HSDL2: variants seen among roughly 807,000 people sequenced by gnomAD.
HSDL2 encodes hydroxysteroid dehydrogenase like 2.
A neutral mutation model predicts 46.3 loss-of-function variants in HSDL2; 27 were observed. The ratio of observed to expected loss-of-function variants is 0.58; its 90% CI spans 0.43 to 0.80. HSDL2 has a LOEUF of 0.80. Among genes scored for constraint, HSDL2 ranks in the 30% least tolerant of loss-of-function variants. The pLI is 0.00. For synonymous variants in HSDL2, 153 were observed against 163.6 expected, an observed-to-expected ratio of 0.94 and a Z score of 0.50; for missense variants, 451 against 502.7, an observed-to-expected ratio of 0.90 and a Z score of 0.98.
chr9:112,470,041 A>G (rs1833526423), intron 10 of HSDL2, among the ~76,000 whole-genome samples: 1 of 152,226 alleles, frequency 6.6e-6, no homozygotes, highest in African/African-American at 2.4e-5. Context: ...TTGTTCATTT[A>G]CACCATTTGG....
At chr9:112,440,522 A>C (rs1406707874) in intron 7 of HSDL2, among the ~76,000 whole-genome samples, 2 of 152,184 alleles carry the variant, frequency 1.3e-5, no homozygotes, top group African/African-American at 4.8e-5. Flanking sequence ...TCTTGGAGTT[A>C]TCAGTGTAAT....
At chr9:112,380,657 T>C (rs1333960768) in intron 1 of HSDL2, among the ~76,000 whole-genome samples, 2 of 152,034 alleles carry the variant, frequency 1.3e-5, no homozygotes, top group South Asian at 2.1e-4. Context: ...TGGGTATCTT[T>C]GGGGGATTTT....
At chr9:112,396,580 C>T (rs911812717) in intron 1 of HSDL2, among the ~76,000 whole-genome samples, 2 of 152,068 alleles carry the variant, frequency 1.3e-5, no homozygotes, top group Non-Finnish European at 2.9e-5. Flanking sequence ...TTGGCAGACA[C>T]CATAAGTTTA....
chr9:112,396,512 A>G (rs1000404200), intron 1 of HSDL2, among the ~76,000 whole-genome samples: 3 of 152,180 alleles, frequency 2.0e-5, no homozygotes, highest in African/African-American at 7.2e-5. Flanking sequence ...TTAAAACAAT[A>G]TTAGGTGGTA....
At chr9:112,418,736 TA>T in intron 5 of HSDL2, 123 bp from the exon 6 acceptor site, 1 of 447,714 alleles carries the variant, frequency 2.2e-6, no homozygotes, top group South Asian at 2.4e-5. Flanking sequence ...TACATATGTA[TA>T]TACATACATG....
intron 1 of HSDL2, among the ~76,000 whole-genome samples, chr9:112,388,233 C>T (rs1178187547): frequency 4.0e-5 from 6 of 151,602 alleles, no homozygotes; most frequent in Non-Finnish European, 7.4e-5. Context: ...GAGGCCGAGG[C>T]GGGCAGATCA....
At chr9:112,426,386 T>C (rs1373501486) in intron 6 of HSDL2, among the ~76,000 whole-genome samples, 4 of 152,060 alleles carry the variant, frequency 2.6e-5, no homozygotes, top group Non-Finnish European at 5.9e-5. Context: ...CAGGCGCCTT[T>C]CACTATGCCT....
intron 1 of HSDL2, among the ~76,000 whole-genome samples, chr9:112,382,610 G>A (rs1831122879): frequency 6.6e-6 from 1 of 152,202 alleles, no homozygotes; most frequent in East Asian, 1.9e-4. Flanking sequence ...CAGGGATGCT[G>A]GTGCACATCC....
intron 4 of HSDL2, among the ~76,000 whole-genome samples, chr9:112,411,463 T>A (rs1422063446): frequency 6.6e-6 from 1 of 152,146 alleles, no homozygotes; most frequent in Non-Finnish European, 1.5e-5. Flanking sequence ...TCACCTGAGG[T>A]CAGGAGTTTA....
chr9:112,393,968 G>C (rs2132604787), intron 1 of HSDL2, among the ~76,000 whole-genome samples: 1 of 152,342 alleles, frequency 6.6e-6, no homozygotes. Flanking sequence ...CTGAGGGAGA[G>C]GAGCAGCGTG....
At chr9:112,387,075 C>T (rs544376348) in intron 1 of HSDL2, among the ~76,000 whole-genome samples, 11 of 152,196 alleles carry the variant, frequency 7.2e-5, no homozygotes, top group African/African-American at 2.4e-4. Context: ...TGAACATAGA[C>T]AGATATTGAG....
At chr9:112,382,122 C>G (rs1052503457) in intron 1 of HSDL2, among the ~76,000 whole-genome samples, 1 of 152,126 alleles carries the variant, frequency 6.6e-6, no homozygotes, top group Non-Finnish European at 1.5e-5. Context: ...TTAGCTGGAC[C>G]TGGTAGCGGG....
At chr9:112,443,342 G>A (rs1832681083) in intron 8 of HSDL2, among the ~76,000 whole-genome samples, 2 of 152,230 alleles carry the variant, frequency 1.3e-5, no homozygotes, top group South Asian at 2.1e-4. Flanking sequence ...GCATTGTCCT[G>A]TTTAATACCA....
At chr9:112,411,410 C>T (rs60961823) in intron 4 of HSDL2, among the ~76,000 whole-genome samples, 1,821 of 152,318 alleles carry the variant, frequency 0.012, 41 homozygotes, top group African/African-American at 0.041. Flanking sequence ...CACAGTGGCT[C>T]ATGCTTGTAA....
At chr9:112,429,722 A>G (rs1447686234) in intron 6 of HSDL2, among the ~76,000 whole-genome samples, 3 of 152,214 alleles carry the variant, frequency 2.0e-5, no homozygotes, top group Non-Finnish European at 4.4e-5. Context: ...TATGCTATGA[A>G]AAACAGAACA....
At position 112,404,053 on chromosome 9, in the gene HSDL2, A is replaced by G. The variant is rs1831667048; in HGVS notation, c.76A>G (p.Ile26Val). Residue 26 changes from isoleucine to valine, a missense_variant, in exon 2 of 11, where the codon ATT becomes GTT. Coordinates refer to ENST00000398805, the MANE Select transcript of HSDL2 (RefSeq NM_032303.5). ...TGASRGIGKA[I>V]ALKAAKDGAN... ...TGCAAGCCGTGGCATTGGCAAAGCT[A>G]TTGCATTGAAAGCAGCAAAGGATGG... The G allele has an allele frequency of 6.2e-7, 1 of 1,614,084 alleles. No individual in the cohort carries two copies. Among genetic ancestry groups the G allele is most frequent in the Non-Finnish European group, 8.5e-7 (1 of 1,180,008 alleles).
At chr9:112,438,211 C>G (rs1442901754) in intron 6 of HSDL2, among the ~76,000 whole-genome samples, 1 of 152,180 alleles carries the variant, frequency 6.6e-6, no homozygotes, top group Non-Finnish European at 1.5e-5. Context: ...GCACCCCAGC[C>G]TGGGTGACAG....
At chr9:112,420,891 C>T (rs899683784) in intron 6 of HSDL2, among the ~76,000 whole-genome samples, 8 of 151,866 alleles carry the variant, frequency 5.3e-5, no homozygotes, top group Admixed American at 1.3e-4. Flanking sequence ...GAAAATCAGT[C>T]AGATTTGCTT....
chr9:112,431,365 A>C (rs373826307), intron 6 of HSDL2, among the ~76,000 whole-genome samples: 3 of 152,180 alleles, frequency 2.0e-5, no homozygotes, highest in African/African-American at 7.2e-5. Flanking sequence ...AAGAGAAAGG[A>C]CTATTGTCCA....
Sources: allele counts gnomAD v4.1 joint callset (sites outside exome capture counted in the v4.1 genomes callset), GRCh38; gene constraint gnomAD v4.1.1; transcripts MANE v1.5; gene names NCBI Gene and HGNC (gene_info 2026-07-23, HGNC 2026-07-21).